MAP4K2: variants seen among roughly 807,000 people sequenced by gnomAD.
MAP4K2 encodes the protein B lymphocyte serine/threonine protein kinase.
In MAP4K2, 85 loss-of-function variants were observed where a neutral mutation model predicts 125.3. The observed-to-expected ratio is 0.68, with a 90% CI of 0.57 to 0.81. The LOEUF is 0.81. MAP4K2 is among the 40% of genes least tolerant of loss of function. The probability of loss-of-function intolerance (pLI) is 0.00; values close to 1 mark genes in which losing one functional copy is unlikely to be tolerated. For missense variants in MAP4K2, 923 were observed against 1,056.4 expected, an observed-to-expected ratio of 0.87 and a Z score of 1.75; for synonymous variants, 479 against 445.1, an observed-to-expected ratio of 1.08 and a Z score of -0.96.
At chr11:64,801,782 G>A (rs536654791) in intron 5 of MAP4K2, 25 bp from the exon 6 acceptor site, 3 of 1,611,050 alleles carry the variant, frequency 1.9e-6, no homozygotes, top group East Asian at 4.5e-5. Flanking sequence ...GAGTCCCTGA[G>A]AGCAGCCACC....
In MAP4K2 at chr11:64,798,034, C is replaced by G. The variant is rs1026725813; in HGVS notation, c.1098-370G>C. On this transcript the variant is annotated intron_variant, in intron 15 of 31. Transcript: ENST00000294066. Reference sequence around the variant, plus strand: ...TTTTTTTTTAAGACAGAGTTTCATTCTTGTCACCCAGGCTGGCGTGCAATG... The same window carrying G: ...TTTTTTTTTAAGACAGAGTTTCATTGTTGTCACCCAGGCTGGCGTGCAATG... Among the ~76,000 whole-genome samples the G allele has an allele frequency of 2.1e-5, 3 of 142,024 alleles. No homozygotes were observed. The East Asian group carries it at 6.7e-4, about 32-fold the overall frequency. 93.2% of individuals were successfully genotyped at this position (142,024 alleles called of 152,430 possible).
chr11:64,790,538 T>C (rs1940417195), intron 27 of MAP4K2, 76 bp from the exon 28 acceptor site: 4 of 1,391,994 alleles, frequency 2.9e-6, no homozygotes, highest in African/African-American at 1.6e-5. Flanking sequence ...GGGGCCAGGC[T>C]ACAGACAGCC....
rs1217309718 is a variant in MAP4K2, at chr11:64,800,924, G to A, written c.638C>T (p.Pro213Leu). 2 of 1,613,952 alleles carry A rather than the reference G, an allele frequency of 1.2e-6. No homozygotes were observed. Among genetic ancestry groups the A allele is most frequent in the Non-Finnish European group, 8.5e-7 (1 of 1,180,022 alleles). ...CCTCATGGGGTGCAGGTGGAACAGA[G>A]GGGGCTGCAGCTCGCCCAGCTCAAT... ...TAIELGELQPPLFHLHPMRAL... is the reference protein window; with the variant it reads ...TAIELGELQPLLFHLHPMRAL... The change falls in exon 9 of 32, where the codon CCT (proline) becomes CTT (leucine). Residue 213 changes from proline to leucine, a missense_variant. Physicochemically the swap from Pro to Leu is moderately conservative, Grantham distance 98. Transcript: ENST00000294066.
intron 10 of MAP4K2, 64 bp from the exon 11 acceptor site, chr11:64,800,456 A>G: frequency 6.4e-7 from 1 of 1,556,154 alleles, no homozygotes. Flanking sequence ...GTGTCCTGCC[A>G]GCTGCCCTAC....
At chr11:64,799,793 G>A in intron 12 of MAP4K2, 110 bp from the exon 13 acceptor site, 1 of 813,092 alleles carries the variant, frequency 1.2e-6, no homozygotes, top group South Asian at 1.6e-5. Context: ...CAGCCCTCTG[G>A]GACTACTGTA....
chr11:64,796,769 G>A (rs371743721), intron 21 of MAP4K2, 40 bp downstream of exon 21: 88 of 1,613,254 alleles, frequency 5.5e-5, no homozygotes, highest in African/African-American at 8.0e-5. Flanking sequence ...CCAAGCTGAG[G>A]GATTCCTTGG....
At chr11:64,790,324 G>A in intron 28 of MAP4K2, 50 bp from the exon 29 acceptor site, 1 of 1,612,502 alleles carries the variant, frequency 6.2e-7, no homozygotes, top group Non-Finnish European at 8.5e-7. Flanking sequence ...TCCCTTCTGG[G>A]AAGGCAGACC....
Position 64,790,246 on chromosome 11 carries a change from G to A in MAP4K2, c.2190C>T (p.Gly730=), listed in dbSNP as rs750835374. ...ERCVRIVNMQ[G]EPTATLAPEL... is the part of the protein sequence containing the mutation. ...CAGGTGCCAGTGTGGCCGTGGGCTC[G>A]CCCTGCATGTTGACAATCCTCACAC... is the stretch of plus-strand genomic sequence containing the variant. Residue 730 remains glycine, a synonymous_variant, in exon 29 of 32, where the codon GGC becomes GGT. Transcript: ENST00000294066. 4.9e-5 allele frequency: 79 copies of A among 1,614,068 alleles called. No homozygotes were observed. The highest frequency in any genetic ancestry group is 5.9e-5 in the Non-Finnish European group (70 of 1,180,028).
chr11:64,795,051 C>T (rs1351324809), intron 24 of MAP4K2, among the ~76,000 whole-genome samples: 10 of 151,776 alleles, frequency 6.6e-5, no homozygotes, highest in African/African-American at 2.2e-4. Context: ...CAACGCCATG[C>T]CTACATCACC....
chr11:64,790,687 G>A (rs1180374885), intron 27 of MAP4K2, among the ~76,000 whole-genome samples: 2 of 152,150 alleles, frequency 1.3e-5, no homozygotes, highest in South Asian at 2.1e-4. Context: ...GAGGAGTCAC[G>A]GGGAGCCACG....
intron 6 of MAP4K2, 35 bp from the exon 7 acceptor site, chr11:64,801,656 G>GC: frequency 6.2e-7 from 1 of 1,613,828 alleles, no homozygotes. Context: ...CCCATCTGGT[G>GC]CCCCCGAGGG....
intron 24 of MAP4K2, among the ~76,000 whole-genome samples, chr11:64,794,766 C>T (rs1940693212): frequency 6.6e-6 from 1 of 152,184 alleles, no homozygotes; most frequent in African/African-American, 2.4e-5. Context: ...CCTACCTCAC[C>T]TGCCTAGAAA....
intron 2 of MAP4K2, 44 bp from the exon 3 acceptor site, chr11:64,802,697 CCTGA>C (rs1411080739): frequency 6.3e-7 from 1 of 1,584,184 alleles, no homozygotes; most frequent in East Asian, 2.3e-5. Context: ...CTGGGGTTGC[CCTGA>C]CTCAGTGCCC....
chr11:64,800,440 T>G (rs200312364), intron 10 of MAP4K2, 48 bp from the exon 11 acceptor site: 1 of 1,593,916 alleles, frequency 6.3e-7, no homozygotes, highest in Non-Finnish European at 8.6e-7. Flanking sequence ...TTAGCCCTCG[T>G]GCAGGGTGTC....
In MAP4K2 at chr11:64,801,021, C is replaced by T. The variant is rs759269291; in HGVS notation, c.541G>A (p.Glu181Lys). The T allele has an allele frequency of 1.2e-6, 2 of 1,613,878 alleles. No homozygotes were observed. Among genetic ancestry groups the T allele is most frequent in the East Asian group, 2.2e-5 (1 of 44,886 alleles). The change falls in exon 9 of 32, where the codon GAG becomes AAG. Residue 181 changes from glutamate (E) to lysine (K), a missense_variant. By Grantham distance (56) the Glu-to-Lys change is moderately conservative. Coordinates refer to ENST00000294066, the MANE Select transcript of MAP4K2 (RefSeq NM_004579.5). Reference sequence around the variant, plus strand: ...CCTTTGCGCTCCACAGCAGCCACCTCGGGAGCCATCCTAGAGGTGGGGTCA... The same window carrying T: ...CCTTTGCGCTCCACAGCAGCCACCTTGGGAGCCATCCTAGAGGTGGGGTCA... Reference protein sequence around the residue: ...FIGTPYWMAPEVAAVERKGGY... With the variant: ...FIGTPYWMAPKVAAVERKGGY...
chr11:64,791,258 C>T (rs1433171379), intron 27 of MAP4K2, among the ~76,000 whole-genome samples: 2 of 152,254 alleles, frequency 1.3e-5, no homozygotes, highest in African/African-American at 2.4e-5. Context: ...TGCTCATTAT[C>T]ACCCCAAGCT....
intron 3 of MAP4K2, 37 bp from the exon 4 acceptor site, chr11:64,802,520 C>G: frequency 6.4e-7 from 1 of 1,569,938 alleles, no homozygotes; most frequent in Non-Finnish European, 8.6e-7. Context: ...CAAAGCAGGT[C>G]ACATGGGGGC....
chr11:64,790,936 G>A (rs1940438383), intron 27 of MAP4K2, among the ~76,000 whole-genome samples: 1 of 152,180 alleles, frequency 6.6e-6, no homozygotes, highest in Non-Finnish European at 1.5e-5. Context: ...AGGTGTTGGA[G>A]ACCAGCCTGG....
Position 64,792,119 on chromosome 11 carries a change from T to A in MAP4K2, c.1915-33A>T, listed in dbSNP as rs535580139. 22 of 1,580,534 alleles carry A rather than the reference T, an allele frequency of 1.4e-5. No homozygotes were observed. The South Asian group carries it at 2.3e-4, about 17-fold the overall frequency. On this transcript the variant is annotated intron_variant, in intron 26 of 31. Transcript: ENST00000294066. ...GCAGCAGGGATGCTCAGGTCTCCAT[T>A]TCTCCCCCCAGAGCTCTGAGGGTGC...
Sources: allele counts gnomAD v4.1 joint callset (sites outside exome capture counted in the v4.1 genomes callset), GRCh38; gene constraint gnomAD v4.1.1; transcripts MANE v1.5; gene names NCBI Gene and HGNC (gene_info 2026-07-23, HGNC 2026-07-21).